Variants in CLIP1 observed in about 807,000 individuals in gnomAD.
CLIP1 encodes the protein CAP-Gly domain containing linker protein 1.
A neutral mutation model predicts 161.6 loss-of-function variants in CLIP1; 66 were observed. That is an observed-to-expected ratio of 0.41 (90% CI 0.33 to 0.50). The LOEUF (loss-of-function observed/expected upper bound fraction) is 0.50. Among genes scored for constraint, CLIP1 ranks in the 20% least tolerant of loss-of-function variants. CLIP1 has a pLI of 0.27. For missense variants in CLIP1, 1,376 were observed against 1,702.0 expected (o/e 0.81, Z 3.37); for synonymous variants, 598 against 626.2 (o/e 0.96, Z 0.67).
intron 24 of CLIP1, 63 bp from the exon 25 acceptor site, chr12:122,274,225 A>G: frequency 8.3e-6 from 12 of 1,441,498 alleles, no homozygotes; most frequent in Non-Finnish European, 1.2e-5. Flanking sequence ...AGCATCAAGA[A>G]GTCATGAAGT....
At chr12:122,403,499 GT>G (rs11302150) in intron 1 of CLIP1, among the ~76,000 whole-genome samples, 39,523 of 72,426 alleles carry the variant, frequency 0.55, 6,917 homozygotes, top group East Asian at 0.61. Flanking sequence ...TTCTTGTTTT[GT>G]TTTTTTTTTT....
intron 20 of CLIP1, among the ~76,000 whole-genome samples, chr12:122,295,030 T>G (rs1009384280): frequency 2.7e-5 from 4 of 149,714 alleles, no homozygotes; most frequent in African/African-American, 9.9e-5. Context: ...CACTCCAGCC[T>G]GGGAGACAGA....
Position 122,355,239 on chromosome 12 carries a change from T to C in CLIP1, c.1079A>G (p.Lys360Arg). ...TTALQEALKEKQQHIEQLLAE... is the reference protein window; with the variant it reads ...TTALQEALKERQQHIEQLLAE... ...CAGCAGCTGCTCAATGTGCTGCTGC[T>C]TCTCCTTCAGGGCCTCCTGGAGGGC... is the stretch of plus-strand genomic sequence containing the variant. The change falls in exon 6 of 26, where the codon AAG (lysine) becomes AGG (arginine). Residue 360 changes from lysine (K) to arginine (R), a missense_variant. Physicochemically the swap from Lys to Arg is conservative, Grantham distance 26 (BLOSUM62 2). Transcript: ENST00000620786. The surrounding 1 kb of genome is among the most constrained non-coding windows in gnomAD (Gnocchi z 4.1). 1 of 1,614,262 alleles carries C rather than the reference T, an allele frequency of 6.2e-7. No homozygotes were observed. Among genetic ancestry groups the C allele is most frequent in the Non-Finnish European group, 8.5e-7 (1 of 1,180,034 alleles).
At position 122,274,182 on chromosome 12, in the gene CLIP1, AT is replaced by A; in HGVS notation, c.3967-21del. 1 of 1,553,484 alleles carries A rather than the reference AT, an allele frequency of 6.4e-7. No individual in the cohort carries two copies. The highest frequency in any genetic ancestry group is 8.9e-7 in the Non-Finnish European group (1 of 1,126,850). On this transcript the variant is annotated intron_variant, in intron 24 of 25. Coordinates refer to ENST00000620786, the MANE Select transcript of CLIP1 (RefSeq NM_001247997.2). Reference sequence around the variant, plus strand: ...ATCAATCTGATTTGTTAAAAAAAAAATGTGTAAAATGTCAAGAATATATATA... The same window carrying A: ...ATCAATCTGATTTGTTAAAAAAAAAAGTGTAAAATGTCAAGAATATATATA...
chr12:122,289,157 C>T (rs1955990685), intron 20 of CLIP1, among the ~76,000 whole-genome samples: 1 of 151,140 alleles, frequency 6.6e-6, no homozygotes, highest in Non-Finnish European at 1.5e-5. Flanking sequence ...ATTGGCCAGG[C>T]GCGGTGGCTC....
intron 23 of CLIP1, 167 bp from the exon 24 acceptor site, chr12:122,278,370 C>A (rs902983374): frequency 1.5e-6 from 1 of 669,844 alleles, no homozygotes; most frequent in Non-Finnish European, 2.6e-6. Context: ...TGTCCCCTTG[C>A]GGGACCCTAC....
chr12:122,352,428 T>TA (rs1953085643), intron 8 of CLIP1, among the ~76,000 whole-genome samples: 1 of 152,134 alleles, frequency 6.6e-6, no homozygotes, highest in South Asian at 2.1e-4. Flanking sequence ...AAGTCTCACT[T>TA]AGGACTGCTT....
intron 3 of CLIP1, among the ~76,000 whole-genome samples, chr12:122,369,678 C>G (rs980225154): frequency 4.6e-5 from 7 of 151,238 alleles, no homozygotes; most frequent in Non-Finnish European, 1.0e-4. Context: ...GTGAAGAGGG[C>G]TATGAAAAAA....
chr12:122,369,966 C>G (rs947015374), intron 3 of CLIP1, among the ~76,000 whole-genome samples: 1 of 151,708 alleles, frequency 6.6e-6, no homozygotes, highest in African/African-American at 2.4e-5. Context: ...AATTCGAGAC[C>G]AGCCTGGGCA....
At chr12:122,324,739 G>A (rs1951642391) in intron 17 of CLIP1, among the ~76,000 whole-genome samples, 1 of 152,024 alleles carries the variant, frequency 6.6e-6, no homozygotes. Flanking sequence ...AAGCAGAAAG[G>A]ATTCATAGAA....
At chr12:122,282,297 C>G (rs899353086) in intron 21 of CLIP1, among the ~76,000 whole-genome samples, 3 of 152,120 alleles carry the variant, frequency 2.0e-5, no homozygotes, top group Non-Finnish European at 4.4e-5. Context: ...TCTATGCCAA[C>G]ATTACTGACG....
chr12:122,283,563 A>T (rs1955732750), intron 21 of CLIP1, among the ~76,000 whole-genome samples: 1 of 150,782 alleles, frequency 6.6e-6, no homozygotes, highest in African/African-American at 2.4e-5. Context: ...AGTTCAAGCA[A>T]CTCTGCTGCC....
At chr12:122,373,380 G>A (rs567980389) in intron 3 of CLIP1, among the ~76,000 whole-genome samples, 7 of 150,814 alleles carry the variant, frequency 4.6e-5, no homozygotes, top group Admixed American at 1.3e-4. Context: ...CCAAGATTGC[G>A]CCACTGCACT....
chr12:122,278,942 C>T lies in CLIP1; in HGVS notation c.3766G>A (p.Val1256Ile). Residue 1256 changes from valine (V) to isoleucine (I), a missense_variant and splice_region_variant, in exon 23 of 26, where the codon GTC becomes ATC. Around this residue, in one of 6 missense-constraint regions of CLIP1, gnomAD observed 948 missense variants for 1,134.8 expected, o/e 0.84. Transcript: ENST00000620786. ...DAELEKLRNEVTVLRGENASA... is the reference protein window; with the variant it reads ...DAELEKLRNEITVLRGENASA... ...GCGTTTTCTCCCCTGAGCACTGTGA[C>T]CTGAAACACAGTTGTTTAGCTTAGG... The T allele has an allele frequency of 1.2e-6, 2 of 1,606,660 alleles. No individual in the cohort carries two copies. The highest frequency in any genetic ancestry group is 1.1e-5 in the South Asian group (1 of 90,296).
intron 17 of CLIP1, among the ~76,000 whole-genome samples, chr12:122,325,446 AT>A (rs1440185907): frequency 6.6e-6 from 1 of 151,972 alleles, no homozygotes; most frequent in Non-Finnish European, 1.5e-5. Flanking sequence ...GAGGAGCTAA[AT>A]TTTTAATTAA....
Position 122,377,847 on chromosome 12 carries a change from T to C in CLIP1, c.199A>G (p.Asn67Asp), listed in dbSNP as rs1954817997. The change falls in exon 3 of 26, where the codon AAT (asparagine) becomes GAT (aspartate). Residue 67 changes from asparagine (N) to aspartate (D), a missense_variant. Coordinates refer to ENST00000620786, the MANE Select transcript of CLIP1 (RefSeq NM_001247997.2). ...TGGATAAATCCAGGCTTATTTCCAT[T>C]CACCCAAACTCGCTCCCCAACTCGA... The part of the protein sequence containing the change: ...DFRVGERVWV[N>D]GNKPGFIQFL... The C allele has an allele frequency of 1.9e-6, 3 of 1,613,802 alleles. No individual in the cohort carries two copies. The highest frequency in any genetic ancestry group is 2.5e-6 in the Non-Finnish European group (3 of 1,180,004).
chr12:122,392,562 C>T (rs141715376), intron 1 of CLIP1, among the ~76,000 whole-genome samples: 4 of 152,128 alleles, frequency 2.6e-5, no homozygotes, highest in Admixed American at 6.5e-5. Context: ...CAACACTTCA[C>T]GCAAAGCACA....
chr12:122,313,604 T>C (rs561466397), intron 19 of CLIP1, among the ~76,000 whole-genome samples: 97 of 151,996 alleles, frequency 6.4e-4, no homozygotes, highest in South Asian at 8.3e-4. Flanking sequence ...TACATGCCTG[T>C]AATCCCAGCT....
intron 1 of CLIP1, chr12:122,400,981 G>C (rs1026038068): frequency 6.8e-6 from 1 of 146,886 alleles, no homozygotes; most frequent in Admixed American, 6.9e-5. Flanking sequence ...GCGCGATCTC[G>C]GCTCACTGCA....
Sources: gnomAD v4.1 joint callset for allele counts (sites outside exome capture counted in the v4.1 genomes callset) on GRCh38, gnomAD v4.1.1 for gene constraint, gnomAD v4.1.1 regional missense constraint, Gnocchi (gnomAD v3.1) non-coding constraint, MANE v1.5 for transcripts, NCBI Gene and HGNC (gene_info 2026-07-23, HGNC 2026-07-21) for gene names.